FAM110B: variants seen among roughly 807,000 people sequenced by gnomAD.
FAM110B encodes the protein protein FAM110B.
FAM110B carries 6 observed loss-of-function variants against 20.4 expected under a neutral mutation model. The observed-to-expected ratio is 0.29, with a 90% confidence interval of 0.16 to 0.58. FAM110B has a LOEUF of 0.58. Among genes scored for constraint, FAM110B ranks in the 20% least tolerant of loss-of-function variants. The pLI is 0.90. For missense variants in FAM110B, 434 were observed against 498.2 expected (o/e 0.87, Z 1.23); for synonymous variants, 226 against 214.1 (o/e 1.06, Z -0.49).
At position 58,146,581 on chromosome 8, in the gene FAM110B, G is replaced by C. The variant is rs1428558990; in HGVS notation, c.351G>C (p.Lys117Asn). ...TESGVQRENL[K>N]LEILKNIINS... The stretch of plus-strand genomic sequence containing the variant: ...GCGGCGTGCAGAGGGAGAACCTGAA[G>C]CTGGAGATCCTGAAGAACATCATCA... The change falls in exon 4 of 4, where the codon AAG (lysine) becomes AAC (asparagine). Residue 117 changes from lysine to asparagine, a missense_variant. Around this residue, in one of 3 missense-constraint regions of FAM110B, gnomAD observed 284 missense variants for 278.3 expected, o/e 1.02. Transcript: ENST00000519262. 1 of 1,614,024 alleles carries C rather than the reference G, an allele frequency of 6.2e-7. No homozygotes were observed. Among genetic ancestry groups the C allele is most frequent in the Non-Finnish European group, 8.5e-7 (1 of 1,179,942 alleles).
intron 2 of FAM110B, among the ~76,000 whole-genome samples, chr8:58,038,655 G>A (rs1255015956): frequency 3.3e-5 from 5 of 151,988 alleles, no homozygotes; most frequent in Admixed American, 1.3e-4. Context: ...TGGAGGCTGA[G>A]TCAGGAGAAT....
chr8:58,108,685 G>A (rs1238392895), intron 3 of FAM110B, among the ~76,000 whole-genome samples: 1 of 152,186 alleles, frequency 6.6e-6, no homozygotes, highest in African/African-American at 2.4e-5. Flanking sequence ...TGCTCCTCCT[G>A]TCTCATCCGG....
At chr8:57,996,660 G>T (rs1289861414) in intron 1 of FAM110B, among the ~76,000 whole-genome samples, 2 of 152,136 alleles carry the variant, frequency 1.3e-5, no homozygotes, top group Non-Finnish European at 2.9e-5. Flanking sequence ...CTCCACATTA[G>T]GGAAGACCTG....
At chr8:58,037,367 T>C (rs546154256) in intron 2 of FAM110B, among the ~76,000 whole-genome samples, 6 of 151,992 alleles carry the variant, frequency 3.9e-5, no homozygotes, top group African/African-American at 1.4e-4. Context: ...GAGCTTAGAA[T>C]GGTGGCTTAT....
chr8:58,063,360 C>T (rs1468152260), intron 2 of FAM110B, among the ~76,000 whole-genome samples: 7 of 152,104 alleles, frequency 4.6e-5, no homozygotes, highest in Non-Finnish European at 8.8e-5. Context: ...AAGATAAAAA[C>T]TATTGATGCT....
intron 3 of FAM110B, among the ~76,000 whole-genome samples, chr8:58,126,580 CTCT>C (rs890194082): frequency 2.0e-5 from 3 of 152,086 alleles, no homozygotes; most frequent in African/African-American, 7.2e-5. Context: ...GTGTCTCTCT[CTCT>C]TTTTTTTTAA....
At position 58,104,749 on chromosome 8, in the gene FAM110B, C is replaced by T. The variant is rs138492894; in HGVS notation, c.-325+29126C>T. ...AATACAACCAATCAGAATACAGGTA[C>T]ATTGCTTCAAGTACTATTTCAAAAA... On this transcript the variant is annotated intron_variant, in intron 3 of 3. Coordinates refer to ENST00000519262, the MANE Select transcript of FAM110B (RefSeq NM_001377989.1). 3.6e-3 allele frequency among the ~76,000 whole-genome samples: 545 copies of T among 152,196 alleles called. 3 individuals are homozygous for T. Among genetic ancestry groups the T allele is most frequent in the African/African-American group, 0.013 (527 of 41,552 alleles).
intron 3 of FAM110B, among the ~76,000 whole-genome samples, chr8:58,139,916 C>T (rs1408225960): frequency 2.0e-5 from 3 of 151,782 alleles, no homozygotes; most frequent in East Asian, 3.9e-4. Context: ...GGCAACAGAA[C>T]GAGACTCTGT....
intron 3 of FAM110B, among the ~76,000 whole-genome samples, chr8:58,081,896 T>C (rs1218254226): frequency 6.6e-6 from 1 of 152,230 alleles, no homozygotes; most frequent in African/African-American, 2.4e-5. Flanking sequence ...ACCATGTGCA[T>C]TTATTTATAA....
At chr8:58,139,505 G>A (rs1467107888) in intron 3 of FAM110B, among the ~76,000 whole-genome samples, 2 of 152,012 alleles carry the variant, frequency 1.3e-5, no homozygotes, top group Admixed American at 1.3e-4. Flanking sequence ...AGTCTTTTTT[G>A]GTCAGCCTTT....
intron 3 of FAM110B, among the ~76,000 whole-genome samples, chr8:58,077,751 A>G (rs926961271): frequency 6.6e-6 from 1 of 152,202 alleles, no homozygotes; most frequent in African/African-American, 2.4e-5. Context: ...AGTTACCTTC[A>G]CAGGCATAAG....
At chr8:58,000,371 A>G (rs1804268934) in intron 1 of FAM110B, among the ~76,000 whole-genome samples, 1 of 152,174 alleles carries the variant, frequency 6.6e-6, no homozygotes, top group Non-Finnish European at 1.5e-5. Context: ...ATCACATCTC[A>G]TTGTAATGAC....
chr8:58,011,709 A>G (rs1400100265), intron 1 of FAM110B, among the ~76,000 whole-genome samples: 2 of 152,148 alleles, frequency 1.3e-5, no homozygotes, highest in Non-Finnish European at 2.9e-5. Context: ...ACGCCAGCAA[A>G]CCAATATTGC....
chr8:58,017,863 C>T (rs1804670914), intron 1 of FAM110B, among the ~76,000 whole-genome samples: 1 of 152,030 alleles, frequency 6.6e-6, no homozygotes, highest in African/African-American at 2.4e-5. Flanking sequence ...AACACAAAGA[C>T]CAGACTGGTA....
At chr8:58,051,281 A>C (rs1399555491) in intron 2 of FAM110B, among the ~76,000 whole-genome samples, 1 of 152,192 alleles carries the variant, frequency 6.6e-6, no homozygotes, top group Non-Finnish European at 1.5e-5. Flanking sequence ...TGAGTTCGAG[A>C]CCAGAGGAGC....
At chr8:58,131,171 A>G (rs1803453986) in intron 3 of FAM110B, among the ~76,000 whole-genome samples, 1 of 152,210 alleles carries the variant, frequency 6.6e-6, no homozygotes, top group Non-Finnish European at 1.5e-5. Context: ...CTCTGGGTTC[A>G]AATTTTTGGT....
At chr8:58,122,441 C>T (rs1027813309) in intron 3 of FAM110B, among the ~76,000 whole-genome samples, 9 of 152,140 alleles carry the variant, frequency 5.9e-5, no homozygotes, top group Non-Finnish European at 7.3e-5. Context: ...ATTGTTATTA[C>T]TTGCTTACTG....
intron 2 of FAM110B, among the ~76,000 whole-genome samples, chr8:58,072,878 G>A (rs1031834897): frequency 7.9e-5 from 12 of 152,296 alleles, no homozygotes; most frequent in African/African-American, 2.9e-4. Flanking sequence ...ACAAGGTGTG[G>A]AAAATATTTG....
chr8:58,021,834 A>G (rs557281725), intron 1 of FAM110B, among the ~76,000 whole-genome samples: 1 of 152,300 alleles, frequency 6.6e-6, no homozygotes, highest in East Asian at 1.9e-4. Context: ...TAATACATTT[A>G]ACAACATTAA....
Sources: allele counts gnomAD v4.1 joint callset (sites outside exome capture counted in the v4.1 genomes callset), GRCh38; gene constraint gnomAD v4.1.1; regional missense constraint gnomAD v4.1.1; transcripts MANE v1.5; gene names NCBI Gene and HGNC (gene_info 2026-07-23, HGNC 2026-07-21).